The following TMEM273 variants were observed in gnomAD, a reference collection of about 807,000 sequenced individuals.
The protein encoded by TMEM273 is transmembrane protein 273.
A neutral mutation model predicts 17.9 loss-of-function variants in TMEM273; 19 were observed. That is an observed-to-expected ratio of 1.06 (90% CI 0.74 to 1.55). The LOEUF is 1.55. Among genes scored for constraint, TMEM273 ranks in the 40% most tolerant of loss-of-function variants. The pLI is 0.00. For missense variants in TMEM273, 194 were observed against 155.6 expected (o/e 1.25, Z -1.31); for synonymous variants, 66 against 62.0 (o/e 1.07, Z -0.31).
intron 3 of TMEM273, 62 bp from the exon 4 acceptor site, chr10:49,165,858 C>T (rs760862290): frequency 1.7e-4 from 272 of 1,601,876 alleles, no homozygotes; most frequent in Non-Finnish European, 2.3e-4. Context: ...AGAGCATTCC[C>T]TAGAGCTTTC....
At chr10:49,178,370 G>T in intron 1 of TMEM273, 1 of 449,816 alleles carries the variant, frequency 2.2e-6, no homozygotes. Flanking sequence ...TTACTGAGCA[G>T]GTTCTAGAGC....
intron 1 of TMEM273, among the ~76,000 whole-genome samples, chr10:49,178,770 T>C (rs190192077): frequency 6.6e-6 from 1 of 152,324 alleles, no homozygotes; most frequent in East Asian, 1.9e-4. Context: ...GTCTCAGTAT[T>C]TAACACACTG....
intron 6 of TMEM273, 136 bp downstream of exon 6, chr10:49,161,463 G>A: frequency 9.5e-7 from 1 of 1,056,354 alleles, no homozygotes; most frequent in Non-Finnish European, 1.5e-6. Context: ...CCTGGCATGA[G>A]GGCTCCTGGC....
At chr10:49,178,383 T>G (rs11101005) in intron 1 of TMEM273, 173 of 439,268 alleles carry the variant, frequency 3.9e-4, no homozygotes, top group African/African-American at 3.2e-3. Context: ...TCTAGAGCAA[T>G]GGCCCAGCAA....
At chr10:49,174,223 G>A (rs72789088) in intron 1 of TMEM273, among the ~76,000 whole-genome samples, 26,465 of 152,224 alleles carry the variant, frequency 0.17, 2,621 homozygotes, top group Middle Eastern at 0.27. Context: ...AGCTGGCTTG[G>A]GTGATATGGG....
chr10:49,182,090 G>C (rs1211274445), intron 1 of TMEM273, among the ~76,000 whole-genome samples: 2 of 152,218 alleles, frequency 1.3e-5, no homozygotes, highest in African/African-American at 4.8e-5. Flanking sequence ...TGAGGTTTCA[G>C]CCTCTTCCTT....
At chr10:49,163,647 G>T (rs1043698357) in intron 5 of TMEM273, among the ~76,000 whole-genome samples, 1 of 152,152 alleles carries the variant, frequency 6.6e-6, no homozygotes, top group Non-Finnish European at 1.5e-5. Context: ...TCCAGCCCAG[G>T]ACCCAGTGGA....
chr10:49,174,446 C>T (rs188113807), intron 1 of TMEM273, among the ~76,000 whole-genome samples: 55 of 152,372 alleles, frequency 3.6e-4, no homozygotes, highest in African/African-American at 9.4e-4. Context: ...CGGCTCTTGC[C>T]GGAGTCTAGA....
At chr10:49,176,764 G>A (rs1478424466) in intron 1 of TMEM273, among the ~76,000 whole-genome samples, 2 of 152,086 alleles carry the variant, frequency 1.3e-5, no homozygotes, top group Non-Finnish European at 2.9e-5. Flanking sequence ...AGCCTGCACC[G>A]GAGCCCCTTA....
At chr10:49,176,502 C>T (rs55908723) in intron 1 of TMEM273, among the ~76,000 whole-genome samples, 43,921 of 152,210 alleles carry the variant, frequency 0.29, 7,980 homozygotes, top group East Asian at 0.63. Context: ...GGCTGGAAGC[C>T]GTGCGGAATA....
Position 49,178,178 on chromosome 10 carries a change from C to T in TMEM273, c.43+10116G>A, listed in dbSNP as rs1359344056. The T allele has an allele frequency of 1.5e-5, 7 of 457,254 alleles. 1 individual carries two copies. Among genetic ancestry groups the T allele is most frequent in the African/African-American group, 1.0e-4 (5 of 50,074 alleles). The allele number at this position is 457,254 out of a possible 1,614,324, so 28.3% of individuals were successfully genotyped here. ...TCATCAAGCCCTCCTCTTTTGCTGG[C>T]CCATGTCACCTCTCATTCTCCCCTC... On this transcript the variant is annotated intron_variant, in intron 1 of 6. Transcript: ENST00000374153.
At chr10:49,188,189 G>A (rs1472115483) in intron 1 of TMEM273, 105 bp downstream of exon 1, 1 of 1,259,454 alleles carries the variant, frequency 7.9e-7, no homozygotes, top group East Asian at 2.3e-5. Flanking sequence ...TGTGTAAAGG[G>A]ACAGAGTTAT....
intron 1 of TMEM273, among the ~76,000 whole-genome samples, chr10:49,173,503 G>C (rs1471451868): frequency 1.3e-5 from 2 of 152,208 alleles, no homozygotes; most frequent in Non-Finnish European, 2.9e-5. Flanking sequence ...CGTCCCTGTG[G>C]AAAGTGCTTA....
Position 49,165,126 on chromosome 10 carries a change from C to T in TMEM273, c.348+79G>A, listed in dbSNP as rs562438964. 8 of 1,465,692 alleles carry T rather than the reference C, an allele frequency of 5.5e-6. No individual in the cohort carries two copies. In the Admixed American group the frequency reaches 7.9e-5, roughly 15 times the overall value. The allele number at this position is 1,465,692 out of a possible 1,614,324, so 90.8% of individuals were successfully genotyped here. On this transcript the variant is annotated intron_variant, in intron 5 of 6. Coordinates refer to ENST00000374153, the MANE Select transcript of TMEM273 (RefSeq NM_001288740.3). ...AAATCAATATATCGTATAGCATCAA[C>T]TAGTGCAAAGAATTATAAAGAAAAC...
chr10:49,182,179 A>G (rs1034652395), intron 1 of TMEM273, among the ~76,000 whole-genome samples: 1 of 152,206 alleles, frequency 6.6e-6, no homozygotes, highest in Admixed American at 6.5e-5. Flanking sequence ...GCAGCAAAAT[A>G]AAACAAATGT....
rs966001095 is a variant in TMEM273, at chr10:49,188,365, C to G, written c.-29G>C. The G allele has an allele frequency of 1.9e-6, 3 of 1,614,064 alleles. No individual in the cohort carries two copies. The highest frequency in any genetic ancestry group is 2.2e-5 in the East Asian group (1 of 44,858). ...GGCGCTCTGCTCTTGGCTCCTGGCT[C>G]CTGGCTGCTGGCAGCGCAGGCACAA... On this transcript the variant is annotated 5_prime_UTR_variant, in exon 1 of 7. Transcript: ENST00000374153.
intron 5 of TMEM273, among the ~76,000 whole-genome samples, chr10:49,163,700 G>C (rs543372470): frequency 1.3e-5 from 2 of 152,218 alleles, no homozygotes; most frequent in Non-Finnish European, 2.9e-5. Flanking sequence ...GGAGGGGACA[G>C]AGAGAAGGAG....
chr10:49,186,038 A>AGAG (rs1847654104), intron 1 of TMEM273, among the ~76,000 whole-genome samples: 1 of 116,000 alleles, frequency 8.6e-6, no homozygotes, highest in African/African-American at 3.0e-5. Flanking sequence ...AAGAAGAAAA[A>AGAG]GAAGAAGAAG....
At chr10:49,168,245 G>C (rs1444140558) in intron 1 of TMEM273, among the ~76,000 whole-genome samples, 3 of 152,150 alleles carry the variant, frequency 2.0e-5, no homozygotes, top group African/African-American at 4.8e-5. Context: ...CTCCCCTGTG[G>C]CTCCCAAGGC....
Sources: gnomAD v4.1 joint callset for allele counts (sites outside exome capture counted in the v4.1 genomes callset) on GRCh38, gnomAD v4.1.1 for gene constraint, MANE v1.5 for transcripts, NCBI Gene and HGNC (gene_info 2026-07-23, HGNC 2026-07-21) for gene names.